JARID2: variants seen among roughly 807,000 people sequenced by gnomAD.
JARID2 encodes the protein jumonji and AT-rich interaction domain containing 2, also known as protein Jumonji.
Under a neutral mutation model 125.6 loss-of-function variants are expected in JARID2, and 21 were observed. The observed-to-expected ratio is 0.17, with a 90% CI of 0.12 to 0.24. The LOEUF (loss-of-function observed/expected upper bound fraction) is 0.24, where lower values mean the gene tolerates loss of function less well. Ranked by LOEUF, JARID2 falls within the 10% of genes least tolerant of loss-of-function variation. JARID2 has a pLI of 1.00. For synonymous variants in JARID2, 736 were observed against 661.6 expected, an observed-to-expected ratio of 1.11 and a Z score of -1.73; for missense variants, 1,303 against 1,639.6, an observed-to-expected ratio of 0.79 and a Z score of 3.55.
chr6:15,321,736 AGT>A (rs1179606362), intron 1 of JARID2, among the ~76,000 whole-genome samples: 4 of 148,420 alleles, frequency 2.7e-5, no homozygotes, highest in Non-Finnish European at 5.9e-5. Flanking sequence ...TCAATAATAG[AGT>A]GTGAGTTAGA....
intron 5 of JARID2, among the ~76,000 whole-genome samples, chr6:15,480,862 C>A (rs2237127): frequency 0.79 from 120,051 of 151,644 alleles, 47,568 homozygotes; most frequent in African/African-American, 0.83. Flanking sequence ...AAAAACCTTG[C>A]GATCAGTTTC....
intron 6 of JARID2, 53 bp downstream of exon 6, chr6:15,487,595 C>A: frequency 7.0e-7 from 1 of 1,420,010 alleles, no homozygotes. Context: ...TTTCCCACTT[C>A]ACTTCACCAA....
intron 2 of JARID2, among the ~76,000 whole-genome samples, chr6:15,377,890 T>TC (rs1343223397): frequency 1.2e-4 from 7 of 56,274 alleles, no homozygotes; most frequent in Admixed American, 4.5e-4. Context: ...TTCTTCTTCT[T>TC]TTTTTTTTTT....
intron 9 of JARID2, among the ~76,000 whole-genome samples, chr6:15,505,793 C>T (rs746617736): frequency 6.6e-6 from 1 of 152,276 alleles, no homozygotes; most frequent in African/African-American, 2.4e-5. Context: ...CCACCAGCCA[C>T]GATGTCAGCT....
intron 1 of JARID2, among the ~76,000 whole-genome samples, chr6:15,266,116 C>T (rs946791356): frequency 6.6e-6 from 1 of 152,124 alleles, no homozygotes; most frequent in African/African-American, 2.4e-5. Context: ...CATATGCTCT[C>T]CTGGAGACAT....
intron 1 of JARID2, among the ~76,000 whole-genome samples, chr6:15,324,817 A>G (rs1220093701): frequency 1.3e-5 from 2 of 150,940 alleles, no homozygotes; most frequent in Non-Finnish European, 3.0e-5. Context: ...ATTTGTTTGG[A>G]GCAAAGTACG....
In JARID2 at chr6:15,317,037, A is replaced by G. The variant is rs188871823; in HGVS notation, c.46-57080A>G. 3.3e-5 allele frequency among the ~76,000 whole-genome samples: 5 copies of G among 152,268 alleles called. No individual in the cohort carries two copies. In the South Asian group the frequency reaches 6.2e-4, roughly 19 times the overall value. ...TTGGTCTAGAATGAATCTTTTGTAG[A>G]CAGTCTTGAGTATAATGGGTTGTGA... is the stretch of plus-strand genomic sequence containing the variant. On this transcript the variant is annotated intron_variant, in intron 1 of 17. Transcript: ENST00000341776.
intron 1 of JARID2, among the ~76,000 whole-genome samples, chr6:15,298,746 C>T (rs529507080): frequency 2.4e-4 from 37 of 151,398 alleles, no homozygotes; most frequent in African/African-American, 6.6e-4. Context: ...GTTATTTGTA[C>T]GGTTGAAACC....
At chr6:15,472,447 T>G (rs1348265629) in intron 5 of JARID2, among the ~76,000 whole-genome samples, 1 of 152,172 alleles carries the variant, frequency 6.6e-6, no homozygotes, top group Non-Finnish European at 1.5e-5. Context: ...CTTTCTCACA[T>G]CCCTGAGCAG....
chr6:15,310,496 A>G (rs981276562), intron 1 of JARID2, among the ~76,000 whole-genome samples: 1 of 152,166 alleles, frequency 6.6e-6, no homozygotes, highest in Non-Finnish European at 1.5e-5. Context: ...ATGGCCCTGA[A>G]TTCTGCTGTA....
At chr6:15,510,912 A>C (rs1771246688) in intron 12 of JARID2, among the ~76,000 whole-genome samples, 1 of 152,248 alleles carries the variant, frequency 6.6e-6, no homozygotes, top group African/African-American at 2.4e-5. Flanking sequence ...TGTTAACAGA[A>C]GGAGGGTGCA....
intron 2 of JARID2, among the ~76,000 whole-genome samples, chr6:15,397,961 C>A (rs544119024): frequency 1.3e-5 from 2 of 152,254 alleles, no homozygotes; most frequent in African/African-American, 4.8e-5. Flanking sequence ...ATTATAAATA[C>A]TCCATTGTGT....
chr6:15,327,473 C>T (rs1282364674), intron 1 of JARID2, among the ~76,000 whole-genome samples: 1 of 152,068 alleles, frequency 6.6e-6, no homozygotes, highest in Admixed American at 6.6e-5. Flanking sequence ...GCATCTAGGG[C>T]AGGTATAAAT....
chr6:15,275,790 C>A (rs1345368730), intron 1 of JARID2, among the ~76,000 whole-genome samples: 1 of 152,006 alleles, frequency 6.6e-6, no homozygotes, highest in African/African-American at 2.4e-5. Context: ...TCTCTTGGGA[C>A]AGAGTTGTAT....
At chr6:15,517,087 G>T (rs1771597890) in intron 16 of JARID2, 74 bp from the exon 17 acceptor site, 3 of 1,114,552 alleles carry the variant, frequency 2.7e-6, no homozygotes, top group Admixed American at 1.7e-5. Context: ...CCGGCCGGGC[G>T]TGCTCCTACC....
chr6:15,396,654 C>G (rs761356719), intron 2 of JARID2, among the ~76,000 whole-genome samples: 1 of 152,104 alleles, frequency 6.6e-6, no homozygotes, highest in East Asian at 1.9e-4. Context: ...CAGGATAGTT[C>G]AAGGTTTCAG....
chr6:15,438,302 A>T (rs948129521), intron 3 of JARID2, among the ~76,000 whole-genome samples: 1 of 152,196 alleles, frequency 6.6e-6, no homozygotes, highest in Non-Finnish European at 1.5e-5. Flanking sequence ...GGAATCGGAA[A>T]GTTGCATTAT....
At chr6:15,509,160 C>T in intron 12 of JARID2, 1 of 1,284,958 alleles carries the variant, frequency 7.8e-7, no homozygotes, top group Non-Finnish European at 1.0e-6. Flanking sequence ...GGGTCCCCGC[C>T]TGTAATCCTG....
At chr6:15,373,309 G>T (rs1340034579) in intron 1 of JARID2, among the ~76,000 whole-genome samples, 3 of 152,050 alleles carry the variant, frequency 2.0e-5, no homozygotes, top group African/African-American at 7.2e-5. Flanking sequence ...TTTAAAATTT[G>T]AGTCTTTCTT....
Sources: gnomAD v4.1 joint callset for allele counts (sites outside exome capture counted in the v4.1 genomes callset) on GRCh38, gnomAD v4.1.1 for gene constraint, MANE v1.5 for transcripts, NCBI Gene and HGNC (gene_info 2026-07-23, HGNC 2026-07-21) for gene names.